The following PIK3C2G variants were observed in gnomAD, a reference collection of about 807,000 sequenced individuals.
PIK3C2G encodes the protein phosphatidylinositol-4-phosphate 3-kinase catalytic subunit type 2 gamma, also known as phosphatidylinositol 3-kinase C2 domain-containing subunit gamma.
Under a neutral mutation model 181.1 loss-of-function variants are expected in PIK3C2G, and 168 were observed. That is an observed-to-expected ratio of 0.93 (90% CI 0.82 to 1.05). The LOEUF is 1.05. Ranked by LOEUF, PIK3C2G falls within the 50% of genes least tolerant of loss-of-function variation. PIK3C2G has a pLI of 0.00. For synonymous variants in PIK3C2G, 573 were observed against 592.2 expected (o/e 0.97, Z 0.47); for missense variants, 1,869 against 1,732.8 (o/e 1.08, Z -1.40).
chr12:18,716,830 A>T, the PIK3C2G span, among the ~76,000 whole-genome samples: 1 of 152,184 alleles, frequency 6.6e-6, no homozygotes, highest in Non-Finnish European at 1.5e-5. Context: ...TTGAAGTTGA[A>T]TTTTAACTGG....
intron 24 of PIK3C2G, among the ~76,000 whole-genome samples, chr12:18,518,147 T>C (rs916794237): frequency 6.6e-6 from 1 of 152,210 alleles, no homozygotes; most frequent in African/African-American, 2.4e-5. Context: ...CAATATTTTA[T>C]TGAGGATTTT....
At chr12:18,266,373 A>G (rs1948500023) in intron 1 of PIK3C2G, among the ~76,000 whole-genome samples, 1 of 152,176 alleles carries the variant, frequency 6.6e-6, no homozygotes, top group Non-Finnish European at 1.5e-5. Context: ...TCCTCTTGTA[A>G]GACAGAACAC....
intron 32 of PIK3C2G, among the ~76,000 whole-genome samples, chr12:18,646,000 C>A (rs1299174108): frequency 1.3e-5 from 2 of 152,012 alleles, no homozygotes; most frequent in African/African-American, 4.8e-5. Flanking sequence ...TCAGACAGCT[C>A]AAAATACCCA....
chr12:18,660,732 T>C, the PIK3C2G span, among the ~76,000 whole-genome samples: 1 of 152,028 alleles, frequency 6.6e-6, no homozygotes, highest in African/African-American at 2.4e-5. Flanking sequence ...ATTATTAGAT[T>C]CATATATATA....
intron 1 of PIK3C2G, among the ~76,000 whole-genome samples, chr12:18,265,040 T>C (rs1948423124): frequency 6.6e-6 from 1 of 152,212 alleles, no homozygotes; most frequent in Non-Finnish European, 1.5e-5. Context: ...CTGAAATAAT[T>C]TTATAAGCAT....
chr12:18,614,061 G>A (rs531640516), intron 31 of PIK3C2G, among the ~76,000 whole-genome samples: 49 of 152,002 alleles, frequency 3.2e-4, no homozygotes, highest in Admixed American at 8.5e-4. Context: ...GATTCTTAAA[G>A]GAAATTTGTC....
At chr12:18,511,076 C>T (rs1942176311) in intron 24 of PIK3C2G, among the ~76,000 whole-genome samples, 1 of 125,458 alleles carries the variant, frequency 8.0e-6, no homozygotes, top group Non-Finnish European at 1.7e-5. Context: ...TATGTGAGAT[C>T]ATGTGATTTT....
chr12:18,351,597 C>A (rs1940220526), intron 11 of PIK3C2G, among the ~76,000 whole-genome samples: 1 of 152,166 alleles, frequency 6.6e-6, no homozygotes, highest in Non-Finnish European at 1.5e-5. Flanking sequence ...ACTTAACCTG[C>A]ATTACAGTTG....
At chr12:18,289,208 C>G (rs1333512092) in intron 3 of PIK3C2G, among the ~76,000 whole-genome samples, 1 of 152,048 alleles carries the variant, frequency 6.6e-6, no homozygotes, top group Admixed American at 6.6e-5. Flanking sequence ...AGAGCTGTTT[C>G]AAAAGAGGTT....
chr12:18,682,329 T>G, the PIK3C2G span, among the ~76,000 whole-genome samples: 1 of 152,040 alleles, frequency 6.6e-6, no homozygotes, highest in African/African-American at 2.4e-5. Context: ...ATTATTTTAG[T>G]TATTAGTTAG....
the PIK3C2G span, among the ~76,000 whole-genome samples, chr12:18,716,862 T>C: frequency 6.6e-6 from 1 of 152,232 alleles, no homozygotes; most frequent in Non-Finnish European, 1.5e-5. Context: ...AATTTAAGAA[T>C]CTTTTGGTAC....
the PIK3C2G span, chr12:18,684,184 C>A: frequency 6.8e-6 from 11 of 1,612,108 alleles, no homozygotes; most frequent in African/African-American, 1.3e-4. Flanking sequence ...TCATTTCCTG[C>A]TATTAAACCT....
intron 22 of PIK3C2G, among the ~76,000 whole-genome samples, chr12:18,502,283 C>G (rs1941543369): frequency 6.6e-6 from 1 of 152,146 alleles, no homozygotes; most frequent in Non-Finnish European, 1.5e-5. Context: ...TTATCACCAC[C>G]ATAATCTACT....
At chr12:18,721,421 T>A in the PIK3C2G span, among the ~76,000 whole-genome samples, 1 of 151,890 alleles carries the variant, frequency 6.6e-6, no homozygotes, top group African/African-American at 2.4e-5. Flanking sequence ...TGTTGGAGAG[T>A]ATTTGAGGCA....
At chr12:18,611,095 CA>C (rs2136606217) in intron 31 of PIK3C2G, among the ~76,000 whole-genome samples, 1 of 152,060 alleles carries the variant, frequency 6.6e-6, no homozygotes, top group African/African-American at 2.4e-5. Flanking sequence ...TGACAGTTTT[CA>C]AAAATGCATT....
intron 3 of PIK3C2G, among the ~76,000 whole-genome samples, chr12:18,290,106 G>C (rs1254557725): frequency 6.6e-6 from 1 of 152,052 alleles, no homozygotes; most frequent in Non-Finnish European, 1.5e-5. Flanking sequence ...CTTTGAGGTA[G>C]ATATTAATAT....
At chr12:18,502,655 G>T (rs974224089) in intron 22 of PIK3C2G, among the ~76,000 whole-genome samples, 2 of 152,094 alleles carry the variant, frequency 1.3e-5, no homozygotes, top group East Asian at 3.9e-4. Flanking sequence ...TGGATATATG[G>T]CCAGCGGAGC....
chr12:18,553,065 G>A lies in PIK3C2G; in HGVS notation c.3590+6633G>A, dbSNP rs111632403. On this transcript the variant is annotated intron_variant, in intron 26 of 32. Coordinates refer to ENST00000538779, the MANE Select transcript of PIK3C2G (RefSeq NM_001288772.2). ...CAACAGCTGTTTTATGCACAACAGC[G>A]CTGTGTACCTGTTAATCCCCATTGA... 1.1e-3 allele frequency among the ~76,000 whole-genome samples: 172 copies of A among 152,088 alleles called. 1 individual carries two copies. The highest frequency in any genetic ancestry group is 2.1e-3 in the South Asian group (10 of 4,820).
downstream of PIK3C2G, among the ~76,000 whole-genome samples, chr12:18,650,704 G>GTATATCTA (rs1950447615): frequency 3.5e-5 from 2 of 57,790 alleles, no homozygotes; most frequent in East Asian, 8.9e-4. Flanking sequence ...GTGTGTGTGT[G>GTATATCTA]TATATATCTA....
Sources: allele counts gnomAD v4.1 joint callset (sites outside exome capture counted in the v4.1 genomes callset), GRCh38; gene constraint gnomAD v4.1.1; transcripts MANE v1.5; gene names NCBI Gene and HGNC (gene_info 2026-07-23, HGNC 2026-07-21).